DGKD: variants seen among roughly 807,000 people sequenced by gnomAD.
The protein encoded by DGKD is DAG kinase delta.
A neutral mutation model predicts 154.4 loss-of-function variants in DGKD; 68 were observed. The ratio of observed to expected loss-of-function variants is 0.44; its 90% CI spans 0.36 to 0.54. The LOEUF is 0.54. DGKD is among the 20% of genes least tolerant of loss of function. DGKD has a pLI of 0.00. For missense variants in DGKD, 1,343 were observed against 1,593.6 expected (o/e 0.84, Z 2.68); for synonymous variants, 693 against 638.0 (o/e 1.09, Z -1.30).
intron 3 of DGKD, among the ~76,000 whole-genome samples, chr2:233,420,499 TG>T (rs992022192): frequency 9.8e-5 from 15 of 152,338 alleles, no homozygotes; most frequent in Admixed American, 9.8e-4. Flanking sequence ...ATCCTAACTT[TG>T]GTGTTTGTCA....
rs1575162625 is a variant in DGKD, at chr2:233,457,872, T to G, written c.2581-412T>G. On this transcript the variant is annotated intron_variant, in intron 21 of 29. Transcript: ENST00000264057. The surrounding 1 kb of genome is among the most constrained non-coding windows in gnomAD (Gnocchi z 5.5). ...ATTTGTGTTAAGAACTGTGGGAAGG[T>G]GTTGATAGGTTTAAACCTGGTTTAA... The G allele has an allele frequency of 3.0e-6, 1 of 333,186 alleles. No homozygotes were observed. 20.6% of individuals were successfully genotyped at this position (333,186 alleles called of 1,614,324 possible).
chr2:233,381,210 C>T (rs1383558335), intron 1 of DGKD, among the ~76,000 whole-genome samples: 1 of 152,214 alleles, frequency 6.6e-6, no homozygotes, highest in Non-Finnish European at 1.5e-5. Flanking sequence ...GCACACACTC[C>T]GTTGCCACCT....
chr2:233,436,797 G>A (rs1000328059), intron 7 of DGKD, among the ~76,000 whole-genome samples: 15 of 152,344 alleles, frequency 9.8e-5, no homozygotes, highest in African/African-American at 2.6e-4. Context: ...CATTTGGAGC[G>A]GCGTTGGCTC....
chr2:233,397,846 T>G (rs376160502), intron 3 of DGKD, among the ~76,000 whole-genome samples: 2 of 146,214 alleles, frequency 1.4e-5, no homozygotes, highest in African/African-American at 2.6e-5. Flanking sequence ...CAGAAGGGGG[T>G]GGAGTAGATG....
At position 233,451,809 on chromosome 2, in the gene DGKD, T is replaced by C. The variant is rs13389943; in HGVS notation, c.2168-155T>C. 5.6e-3 allele frequency among the ~76,000 whole-genome samples: 848 copies of C among 152,290 alleles called. 6 individuals are homozygous for C. The highest frequency in any genetic ancestry group is 0.02 in the African/African-American group (812 of 41,564). On this transcript the variant is annotated intron_variant, in intron 17 of 29. Transcript: ENST00000264057. ...TCCAGTGATTTTTGACCTAAGACTA[T>C]TGGCAAAATTTGGACATGGTTATAC...
chr2:233,373,536 T>C (rs552823971), intron 1 of DGKD, among the ~76,000 whole-genome samples: 3 of 152,308 alleles, frequency 2.0e-5, no homozygotes, highest in African/African-American at 7.2e-5. Context: ...CTCAGCCTTA[T>C]CTGGAATGTC....
At chr2:233,460,479 C>T in intron 24 of DGKD, 134 bp downstream of exon 24, 1 of 1,173,554 alleles carries the variant, frequency 8.5e-7, no homozygotes, top group Non-Finnish European at 1.2e-6. Flanking sequence ...GAGGGCCGAG[C>T]CTGTTTATGT....
At chr2:233,466,609 C>T (rs77756603) in intron 27 of DGKD, among the ~76,000 whole-genome samples, 2,216 of 152,208 alleles carry the variant, frequency 0.015, 17 homozygotes, top group Middle Eastern at 0.027. Context: ...TGTGTGGCTC[C>T]GCTCTTCACC....
rs2124984072 is a variant in DGKD at position 233,470,838 on chromosome 2, G to A, written c.*1378G>A. 7.0e-6 allele frequency: 1 copy of A among 142,880 alleles called. No homozygotes were observed. The highest frequency in any genetic ancestry group is 1.9e-4 in the East Asian group (1 of 5,264). The allele number at this position is 142,880 out of a possible 1,614,324, so 8.9% of individuals were successfully genotyped here. A position where few individuals can be genotyped will look rare whatever the true frequency, so the allele number is the denominator to read the frequency against. Reference sequence around the variant, plus strand: ...CCCAAAGAGAAGGACAGTGTTGGGAGTATCTGCCGTGGCTTCTCTTTGGCT... The same window carrying A: ...CCCAAAGAGAAGGACAGTGTTGGGAATATCTGCCGTGGCTTCTCTTTGGCT... On this transcript the variant is annotated 3_prime_UTR_variant, in exon 30 of 30. Transcript: ENST00000264057.
chr2:233,460,841 G>A (rs2971857), intron 24 of DGKD, among the ~76,000 whole-genome samples: 99,236 of 151,692 alleles, frequency 0.65, 33,507 homozygotes, highest in African/African-American at 0.83. Flanking sequence ...GCAGTGAGCC[G>A]AGATAGCGCC....
intron 3 of DGKD, chr2:233,419,520 C>CT: frequency 1.2e-6 from 1 of 846,452 alleles, no homozygotes; most frequent in Non-Finnish European, 1.4e-6. Flanking sequence ...ATTGAGCTTC[C>CT]TTGTAAGATG....
At position 233,445,599 on chromosome 2, in the gene DGKD, G is replaced by A. The variant is rs2305542; in HGVS notation, c.1195-24G>A. The A allele has an allele frequency of 0.19, 299,097 of 1,581,084 alleles. 35,979 individuals are homozygous for A. The highest frequency in any genetic ancestry group is 0.61 in the African/African-American group (44,769 of 73,770). ...CCCCTGCCCCCAGGTGTTTGCCTGCGCATCGTCCCCCATGTTTCCTTAGTG... is the reference window on the plus strand; with the variant it reads ...CCCCTGCCCCCAGGTGTTTGCCTGCACATCGTCCCCCATGTTTCCTTAGTG... On this transcript the variant is annotated intron_variant, in intron 10 of 29. Coordinates refer to ENST00000264057, the MANE Select transcript of DGKD (RefSeq NM_152879.3). The surrounding 1 kb of genome is among the most constrained non-coding windows in gnomAD (Gnocchi z 5.5).
intron 3 of DGKD, among the ~76,000 whole-genome samples, chr2:233,407,084 G>T (rs559069554): frequency 3.9e-5 from 6 of 152,206 alleles, no homozygotes; most frequent in Non-Finnish European, 7.3e-5. Context: ...TGTGAAATGG[G>T]ATAATACTGG....
At chr2:233,398,782 AC>A (rs1379455817) in intron 3 of DGKD, among the ~76,000 whole-genome samples, 6 of 152,044 alleles carry the variant, frequency 3.9e-5, no homozygotes, top group African/African-American at 1.4e-4. Flanking sequence ...CCGCCACCAC[AC>A]CCGGCTAATT....
rs575111627 is a variant in DGKD, at chr2:233,399,941, C to CTT, written c.348+9459_348+9460insTT. ...GTACTTTTATTTGTTTTGGGTGACT[C>CTT]TGAGAATTAAATATTAATAACAGTG... On this transcript the variant is annotated intron_variant, in intron 3 of 29. Coordinates refer to ENST00000264057, the MANE Select transcript of DGKD (RefSeq NM_152879.3). Among the ~76,000 whole-genome samples, 1,027 of 152,226 alleles carry CTT rather than the reference C, an allele frequency of 6.7e-3. 3 individuals carry two copies. The highest frequency in any genetic ancestry group is 0.011 in the Non-Finnish European group (774 of 68,016).
At chr2:233,434,051 C>T (rs2062613224) in intron 3 of DGKD, among the ~76,000 whole-genome samples, 1 of 152,222 alleles carries the variant, frequency 6.6e-6, no homozygotes, top group African/African-American at 2.4e-5. Context: ...CTGTGTCTTC[C>T]ACTGTTCGGA....
chr2:233,445,514 C>A lies in DGKD; in HGVS notation c.1195-109C>A, dbSNP rs2063036290. On this transcript the variant is annotated intron_variant, in intron 10 of 29. Transcript: ENST00000264057. This position sits in a 1 kb window ranked among gnomAD's most constrained non-coding sequence, Gnocchi z 5.5. ...AGCTGCGTGGTTTTAGGTCACGTCC[C>A]CACATTGCTAACGTAACCCTCACGG... 2 of 1,447,576 alleles carry A rather than the reference C, an allele frequency of 1.4e-6. No individual in the cohort carries two copies. The highest frequency in any genetic ancestry group is 4.8e-5 in the Admixed American group (2 of 41,394). The allele number at this position is 1,447,576 out of a possible 1,614,324, so 89.7% of individuals were successfully genotyped here. A position where few individuals can be genotyped will look rare whatever the true frequency, so the allele number is the denominator to read the frequency against.
At position 233,405,191 on chromosome 2, in the gene DGKD, G is replaced by A. The variant is rs115686237; in HGVS notation, c.348+14708G>A. Among the ~76,000 whole-genome samples the A allele has an allele frequency of 5.9e-3, 903 of 152,310 alleles. 9 individuals are homozygous for A. The highest frequency in any genetic ancestry group is 0.021 in the African/African-American group (858 of 41,562). On this transcript the variant is annotated intron_variant, in intron 3 of 29. Transcript: ENST00000264057. ...AAGTTCATGTGTTGGAAACTGAAGCGCCAGTGCAACAGTATTGAGAGGTAG... is the reference window on the plus strand; with the variant it reads ...AAGTTCATGTGTTGGAAACTGAAGCACCAGTGCAACAGTATTGAGAGGTAG...
At chr2:233,384,874 C>G (rs1005526826) in intron 1 of DGKD, among the ~76,000 whole-genome samples, 1 of 152,154 alleles carries the variant, frequency 6.6e-6, no homozygotes, top group Admixed American at 6.5e-5. Flanking sequence ...TGCCCAGCCC[C>G]TCCTCCCTGG....
Sources: gnomAD v4.1 joint callset for allele counts (sites outside exome capture counted in the v4.1 genomes callset) on GRCh38, gnomAD v4.1.1 for gene constraint, Gnocchi (gnomAD v3.1) non-coding constraint, MANE v1.5 for transcripts, NCBI Gene and HGNC (gene_info 2026-07-23, HGNC 2026-07-21) for gene names.